PKP1: variants seen among roughly 807,000 people sequenced by gnomAD.
The protein encoded by PKP1 is plakophilin-1.
A neutral mutation model predicts 76.4 loss-of-function variants in PKP1; 27 were observed. The ratio of observed to expected loss-of-function variants is 0.35; its 90% CI spans 0.26 to 0.49. PKP1 has a LOEUF of 0.49. Among genes scored for constraint, PKP1 ranks in the 20% least tolerant of loss-of-function variants. The probability of loss-of-function intolerance (pLI) is 0.99; values close to 1 mark genes in which losing one functional copy is unlikely to be tolerated. For synonymous variants in PKP1, 404 were observed against 384.2 expected (o/e 1.05, Z -0.60); for missense variants, 964 against 955.2 (o/e 1.01, Z -0.12).
intron 12 of PKP1, 37 bp from the exon 13 acceptor site, chr1:201,328,725 G>C: frequency 6.3e-7 from 1 of 1,594,970 alleles, no homozygotes; most frequent in Non-Finnish European, 8.6e-7. Context: ...GCCCCACACA[G>C]TTTTGTGTCA....
intron 2 of PKP1, among the ~76,000 whole-genome samples, chr1:201,311,134 G>C (rs1656538566): frequency 6.6e-6 from 1 of 152,202 alleles, no homozygotes; most frequent in Non-Finnish European, 1.5e-5. Flanking sequence ...CTGGCTCTTT[G>C]CCCTTTGGCA....
At chr1:201,303,456 CTT>C (rs1656292344) in intron 2 of PKP1, among the ~76,000 whole-genome samples, 1 of 152,170 alleles carries the variant, frequency 6.6e-6, no homozygotes, top group Non-Finnish European at 1.5e-5. Flanking sequence ...TGAAAGGAAA[CTT>C]TATATCACTC....
At position 201,330,097 on chromosome 1, in the gene PKP1, C is replaced by A. The variant is rs886045812; in HGVS notation, c.*56C>A. 3.3e-5 allele frequency: 5 copies of A among 152,160 alleles called. No individual in the cohort carries two copies. Among genetic ancestry groups the A allele is most frequent in the Non-Finnish European group, 7.3e-5 (5 of 68,046 alleles). 9.4% of individuals were successfully genotyped at this position (152,160 alleles called of 1,614,324 possible). A position where few individuals can be genotyped will look rare whatever the true frequency, so the allele number is the denominator to read the frequency against. On this transcript the variant is annotated 3_prime_UTR_variant, in exon 14 of 14. Coordinates refer to ENST00000367324, the MANE Select transcript of PKP1 (RefSeq NM_001005337.3). The stretch of plus-strand genomic sequence containing the variant: ...AGGAAGATATGACCCAGCTGAGAAG[C>A]CCTCAGGCCTCGCTGGATGGGGTTT...
At position 201,328,885 on chromosome 1, in the gene PKP1, C is replaced by A; in HGVS notation, c.*32+17C>A. On this transcript the variant is annotated intron_variant, in intron 13 of 13. Transcript: ENST00000367324. ...GGCTTGCAGGTAAGAATCACCCCAC[C>A]CTCAGGGATGCCTCTGGGACCACTG... is the stretch of plus-strand genomic sequence containing the variant. 1 of 1,455,512 alleles carries A rather than the reference C, an allele frequency of 6.9e-7. No homozygotes were observed. The highest frequency in any genetic ancestry group is 9.7e-7 in the Non-Finnish European group (1 of 1,035,176). The allele number at this position is 1,455,512 out of a possible 1,614,324, so 90.2% of individuals were successfully genotyped here. A position where few individuals can be genotyped will look rare whatever the true frequency, so the allele number is the denominator to read the frequency against.
intron 2 of PKP1, among the ~76,000 whole-genome samples, chr1:201,309,057 C>A (rs1311362445): frequency 6.6e-6 from 1 of 151,948 alleles, no homozygotes; most frequent in Non-Finnish European, 1.5e-5. Flanking sequence ...CAAGCTGGAG[C>A]TTTTCCAGCT....
At position 201,323,168 on chromosome 1, in the gene PKP1, C is replaced by T. The variant is rs759230415; in HGVS notation, c.1659C>T (p.Asn553=). ...TLEACAGALQ[N]LTASKGLMSS... ...AGGCCTGTGCTGGTGCCCTGCAGAACCTGACAGCCAGCAAGGGGCTGGTGA... is the reference window on the plus strand; with the variant it reads ...AGGCCTGTGCTGGTGCCCTGCAGAATCTGACAGCCAGCAAGGGGCTGGTGA... The change falls in exon 9 of 14, where the codon AAC becomes AAT. Residue 553 remains asparagine, a synonymous_variant. Transcript: ENST00000367324. The T allele has an allele frequency of 2.5e-6, 4 of 1,614,054 alleles. No individual in the cohort carries two copies. The highest frequency in any genetic ancestry group is 1.3e-5 in the African/African-American group (1 of 75,064).
At chr1:201,294,216 G>T (rs1470903233) in intron 2 of PKP1, among the ~76,000 whole-genome samples, 171 bp downstream of exon 2, 1 of 152,202 alleles carries the variant, frequency 6.6e-6, no homozygotes, top group African/African-American at 2.4e-5. Context: ...TGTTTCATAG[G>T]TGGCTCTCGT....
In PKP1 at chr1:201,308,837, A is replaced by G. The variant is rs572170511; in HGVS notation, c.307-4329A>G. 3.3e-5 allele frequency among the ~76,000 whole-genome samples: 5 copies of G among 152,254 alleles called. No individual in the cohort carries two copies. In the East Asian group the frequency reaches 7.8e-4, roughly 24 times the overall value. ...TCCCTAAGGAAGGTGGAGTGATGGC[A>G]TCGCAAGGCAGGGACCAGAGCCCTG... On this transcript the variant is annotated intron_variant, in intron 2 of 13. Coordinates refer to ENST00000367324, the MANE Select transcript of PKP1 (RefSeq NM_001005337.3).
intron 1 of PKP1, among the ~76,000 whole-genome samples, chr1:201,286,900 T>G (rs2102404139): frequency 6.6e-6 from 1 of 152,284 alleles, no homozygotes; most frequent in East Asian, 1.9e-4. Context: ...CTTCCAGATC[T>G]TTATAACTTC....
intron 11 of PKP1, 151 bp from the exon 12 acceptor site, chr1:201,325,603 C>A: frequency 2.9e-6 from 2 of 697,108 alleles, no homozygotes; most frequent in Non-Finnish European, 5.2e-6. Flanking sequence ...CTCACCACAC[C>A]CCAATGGGGC....
At chr1:201,319,900 C>T (rs202026032) in intron 6 of PKP1, 97 of 1,612,912 alleles carry the variant, frequency 6.0e-5, no homozygotes, top group Admixed American at 2.8e-4. Context: ...GATGCAGCTG[C>T]GGAGGGACCG....
chr1:201,314,486 C>A, intron 3 of PKP1, among the ~76,000 whole-genome samples: 1 of 152,088 alleles, frequency 6.6e-6, no homozygotes, highest in East Asian at 1.9e-4. Context: ...ACAACAACAA[C>A]AACAACAAAA....
chr1:201,285,818 G>A (rs958408947), intron 1 of PKP1, among the ~76,000 whole-genome samples: 1 of 152,202 alleles, frequency 6.6e-6, no homozygotes, highest in Non-Finnish European at 1.5e-5. Context: ...TATCTGATAA[G>A]GTCTCCTTTG....
At chr1:201,311,882 G>A (rs993841048) in intron 2 of PKP1, among the ~76,000 whole-genome samples, 1 of 152,224 alleles carries the variant, frequency 6.6e-6, no homozygotes, top group Admixed American at 6.5e-5. Flanking sequence ...GTGAGCTCCT[G>A]GGAAAGTCCT....
chr1:201,292,888 G>A (rs1655961005), intron 1 of PKP1, among the ~76,000 whole-genome samples: 2 of 152,226 alleles, frequency 1.3e-5, no homozygotes, highest in Admixed American at 6.5e-5. Context: ...TATAGCTGAG[G>A]GAATGGGACG....
At chr1:201,284,034 C>A in intron 1 of PKP1, 130 bp downstream of exon 1, 1 of 851,948 alleles carries the variant, frequency 1.2e-6, no homozygotes, top group Non-Finnish European at 1.9e-6. Flanking sequence ...CAGGCAGGGT[C>A]TACGCACCTA....
intron 2 of PKP1, among the ~76,000 whole-genome samples, chr1:201,301,869 A>G (rs542651214): frequency 6.6e-6 from 1 of 152,326 alleles, no homozygotes; most frequent in East Asian, 1.9e-4. Flanking sequence ...TAAATTTTGC[A>G]GCACACGCTA....
intron 12 of PKP1, among the ~76,000 whole-genome samples, chr1:201,326,755 GCAGGCGAAGCCATGAGAA>G (rs1481463085): frequency 3.9e-5 from 6 of 152,224 alleles, no homozygotes; most frequent in African/African-American, 1.4e-4. Context: ...CTTTGTTCAG[GCAGGCGAAGCCATGAGAA>G]CAGGCAAGAC....
chr1:201,309,817 C>T (rs1656484217), intron 2 of PKP1, among the ~76,000 whole-genome samples: 1 of 152,194 alleles, frequency 6.6e-6, no homozygotes, highest in African/African-American at 2.4e-5. Flanking sequence ...AACCTGGAGG[C>T]TGGGGCACTA....
Sources: gnomAD v4.1 joint callset for allele counts (sites outside exome capture counted in the v4.1 genomes callset) on GRCh38, gnomAD v4.1.1 for gene constraint, MANE v1.5 for transcripts, NCBI Gene and HGNC (gene_info 2026-07-23, HGNC 2026-07-21) for gene names.